HDAC9: variants seen among roughly 807,000 people sequenced by gnomAD.
HDAC9 encodes histone deacetylase 9.
HDAC9 carries 41 observed loss-of-function variants against 139.4 expected under a neutral mutation model. The observed-to-expected ratio is 0.29, with a 90% confidence interval of 0.23 to 0.38. The LOEUF (loss-of-function observed/expected upper bound fraction) is 0.38, where lower values mean the gene tolerates loss of function less well. HDAC9 is among the 10% of genes least tolerant of loss of function. The pLI is 1.00. For synonymous variants in HDAC9, 517 were observed against 476.2 expected (o/e 1.09, Z -1.12); for missense variants, 1,147 against 1,297.0 (o/e 0.88, Z 1.78).
chr7:18,421,456 G>GAGAA (rs575408136), intron 1 of HDAC9, among the ~76,000 whole-genome samples: 3 of 149,852 alleles, frequency 2.0e-5, no homozygotes, highest in Non-Finnish European at 4.5e-5. Context: ...AAGGGAGAAA[G>GAGAA]AGAAAGAAAG....
At chr7:18,476,028 C>G (rs1203042401) in intron 1 of HDAC9, among the ~76,000 whole-genome samples, 1 of 152,080 alleles carries the variant, frequency 6.6e-6, no homozygotes, top group African/African-American at 2.4e-5. Flanking sequence ...TAAGGCAGAC[C>G]TCTTATTGCA....
At chr7:18,766,560 C>T (rs1003412634) in intron 15 of HDAC9, among the ~76,000 whole-genome samples, 3 of 152,054 alleles carry the variant, frequency 2.0e-5, no homozygotes, top group African/African-American at 7.2e-5. Flanking sequence ...TTGGCTTTAG[C>T]TCTATCTTAA....
intron 6 of HDAC9, among the ~76,000 whole-genome samples, chr7:18,621,010 G>A (rs1162405241): frequency 2.6e-5 from 4 of 152,096 alleles, no homozygotes. Flanking sequence ...GTACACCCAA[G>A]TGTCCAACAT....
intron 2 of HDAC9, among the ~76,000 whole-genome samples, chr7:18,577,965 C>G (rs531170336): frequency 6.6e-6 from 1 of 152,264 alleles, no homozygotes; most frequent in African/African-American, 2.4e-5. Flanking sequence ...CAGCTGTCCC[C>G]TCTCCCCAAA....
chr7:18,661,914 G>T (rs1443695773), intron 11 of HDAC9, among the ~76,000 whole-genome samples: 1 of 152,112 alleles, frequency 6.6e-6, no homozygotes, highest in Non-Finnish European at 1.5e-5. Context: ...TGTCAGTGAG[G>T]TTGTAAATAC....
chr7:18,848,052 T>A (rs1797026318), intron 21 of HDAC9, among the ~76,000 whole-genome samples: 1 of 152,184 alleles, frequency 6.6e-6, no homozygotes, highest in Admixed American at 6.5e-5. Context: ...AATACTCTTT[T>A]CTGGGTATTG....
At chr7:18,770,620 C>T (rs7776786) in intron 16 of HDAC9, among the ~76,000 whole-genome samples, 58,241 of 151,952 alleles carry the variant, frequency 0.38, 13,295 homozygotes, top group Non-Finnish European at 0.52. Context: ...AACGCTTCTG[C>T]GGCTTTTGAG....
intron 2 of HDAC9, among the ~76,000 whole-genome samples, chr7:18,559,193 C>A (rs1189328751): frequency 6.6e-6 from 1 of 152,164 alleles, no homozygotes; most frequent in Non-Finnish European, 1.5e-5. Context: ...TGAATTCCAA[C>A]TAGGTGTCCT....
Position 18,999,030 on chromosome 7 carries a change from T to C in HDAC9, c.*2968T>C, listed in dbSNP as rs1247590429. The C allele has an allele frequency of 6.6e-6, 1 of 152,152 alleles. No individual in the cohort carries two copies. Among genetic ancestry groups the C allele is most frequent in the Non-Finnish European group, 1.5e-5 (1 of 68,018 alleles). The allele number at this position is 152,152 out of a possible 1,614,324, so 9.4% of individuals were successfully genotyped here. A position where few individuals can be genotyped will look rare whatever the true frequency, so the allele number is the denominator to read the frequency against. Reference sequence around the variant, plus strand: ...GGCTATGTTACCATTGCTTAGTAAATGGAAAGAACATTGTGAGATGAACTA... The same window carrying C: ...GGCTATGTTACCATTGCTTAGTAAACGGAAAGAACATTGTGAGATGAACTA... On this transcript the variant is annotated 3_prime_UTR_variant, in exon 26 of 26. Transcript: ENST00000686413.
intron 16 of HDAC9, among the ~76,000 whole-genome samples, chr7:18,780,915 G>T (rs769713219): frequency 3.9e-5 from 6 of 151,982 alleles, no homozygotes; most frequent in Non-Finnish European, 7.4e-5. Flanking sequence ...ATCTGTATTT[G>T]GCTAGCTAGG....
intron 12 of HDAC9, among the ~76,000 whole-genome samples, chr7:18,726,874 GAATCTTCCATAA>G (rs1463397916): frequency 2.6e-5 from 4 of 152,034 alleles, no homozygotes; most frequent in Non-Finnish European, 4.4e-5. Flanking sequence ...GAGACTAACT[GAATCTTCCATAA>G]AATTCCAAAC....
At chr7:18,677,589 C>G (rs1415887004) in intron 12 of HDAC9, among the ~76,000 whole-genome samples, 1 of 151,884 alleles carries the variant, frequency 6.6e-6, no homozygotes, top group African/African-American at 2.4e-5. Context: ...TTGACATTCT[C>G]ATCAACAATG....
At chr7:18,799,038 AAGACACACACACACACACACACACAC>A (rs1208805628) in intron 17 of HDAC9, among the ~76,000 whole-genome samples, 262 of 143,632 alleles carry the variant, frequency 1.8e-3, no homozygotes, top group Middle Eastern at 3.6e-3. Context: ...AATGTGCCCT[AAGACACACACACACACACACACACAC>A]ACACACACAC....
chr7:18,418,885 T>C (rs1266577322), intron 1 of HDAC9, among the ~76,000 whole-genome samples: 1 of 152,194 alleles, frequency 6.6e-6, no homozygotes, highest in East Asian at 1.9e-4. Flanking sequence ...TTGTATACGC[T>C]CAAATACTTT....
At chr7:18,402,144 A>G (rs1219554844) in intron 1 of HDAC9, among the ~76,000 whole-genome samples, 1 of 152,206 alleles carries the variant, frequency 6.6e-6, no homozygotes. Context: ...GAGGGGGTGG[A>G]TACAATGAAA....
intron 13 of HDAC9, among the ~76,000 whole-genome samples, chr7:18,733,290 G>T (rs982926635): frequency 1.4e-5 from 2 of 147,828 alleles, no homozygotes; most frequent in Non-Finnish European, 3.0e-5. Context: ...GTGTATATAT[G>T]TGTATATATG....
chr7:18,873,830 G>C (rs1165946683), intron 21 of HDAC9, among the ~76,000 whole-genome samples: 1 of 152,100 alleles, frequency 6.6e-6, no homozygotes, highest in Non-Finnish European at 1.5e-5. Flanking sequence ...GAAGGGAAGT[G>C]TTGAAGTGTC....
At chr7:18,442,420 C>T (rs966272388) in intron 1 of HDAC9, among the ~76,000 whole-genome samples, 4 of 152,132 alleles carry the variant, frequency 2.6e-5, no homozygotes, top group African/African-American at 4.8e-5. Context: ...CACCAGTTGC[C>T]GGACTCACAT....
At chr7:18,161,600 A>G (rs17138703) in intron 1 of HDAC9, among the ~76,000 whole-genome samples, 29,471 of 152,120 alleles carry the variant, frequency 0.19, 3,081 homozygotes, top group South Asian at 0.34. Context: ...TTAAAAGCAG[A>G]AAGTCCCTTA....
Sources: allele counts gnomAD v4.1 joint callset (sites outside exome capture counted in the v4.1 genomes callset), GRCh38; gene constraint gnomAD v4.1.1; transcripts MANE v1.5; gene names NCBI Gene and HGNC (gene_info 2026-07-23, HGNC 2026-07-21).